Variants in DCDC1 observed in about 807,000 individuals in gnomAD.
DCDC1 encodes doublecortin domain-containing protein 1.
In DCDC1, 200 loss-of-function variants were observed where a neutral mutation model predicts 178.3. The ratio of observed to expected loss-of-function variants is 1.12; its 90% CI spans 1.00 to 1.26. The LOEUF (loss-of-function observed/expected upper bound fraction) is 1.26, where lower values mean the gene tolerates loss of function less well. Among genes scored for constraint, DCDC1 ranks in the 50% most tolerant of loss-of-function variants. The pLI is 0.00. For synonymous variants in DCDC1, 690 were observed against 604.8 expected (o/e 1.14, Z -2.07); for missense variants, 1,983 against 1,749.2 (o/e 1.13, Z -2.38).
intron 20 of DCDC1, among the ~76,000 whole-genome samples, chr11:31,020,311 T>C (rs916968272): frequency 6.6e-6 from 1 of 152,226 alleles, no homozygotes; most frequent in African/African-American, 2.4e-5. Flanking sequence ...TTTAAACTAA[T>C]TGTCAATGTT....
intron 18 of DCDC1, among the ~76,000 whole-genome samples, chr11:31,075,780 G>A (rs1375756832): frequency 6.6e-6 from 1 of 152,194 alleles, no homozygotes; most frequent in Non-Finnish European, 1.5e-5. Context: ...GTAAATTCTA[G>A]ACATTAGCCC....
intron 20 of DCDC1, among the ~76,000 whole-genome samples, chr11:31,027,056 T>A (rs1401034941): frequency 2.6e-5 from 4 of 151,774 alleles, no homozygotes; most frequent in Admixed American, 1.3e-4. Context: ...TAGTTACTAT[T>A]ACATAAGTAC....
At chr11:31,006,915 A>T (rs1951878840) in intron 20 of DCDC1, among the ~76,000 whole-genome samples, 1 of 152,238 alleles carries the variant, frequency 6.6e-6, no homozygotes, top group East Asian at 1.9e-4. Flanking sequence ...TTAGAATCTT[A>T]GCTTTACCTT....
intron 16 of DCDC1, among the ~76,000 whole-genome samples, chr11:31,092,318 A>T (rs1012437824): frequency 2.0e-5 from 3 of 152,084 alleles, no homozygotes; most frequent in Non-Finnish European, 4.4e-5. Context: ...AAATATTTCT[A>T]AAAAAAATTG....
chr11:31,326,455 A>C (rs1042036079), intron 3 of DCDC1, among the ~76,000 whole-genome samples: 5 of 152,214 alleles, frequency 3.3e-5, no homozygotes, highest in Admixed American at 3.3e-4. Flanking sequence ...AGAAAATTGG[A>C]AATAAATATT....
intron 9 of DCDC1, among the ~76,000 whole-genome samples, chr11:31,152,150 T>A (rs1965239357): frequency 6.6e-6 from 1 of 152,228 alleles, no homozygotes; most frequent in South Asian, 2.1e-4. Context: ...CATGTCTAAT[T>A]GAAAGCTGTC....
chr11:31,013,051 G>T (rs545030741), intron 20 of DCDC1, among the ~76,000 whole-genome samples: 2 of 152,206 alleles, frequency 1.3e-5, no homozygotes, highest in East Asian at 3.9e-4. Flanking sequence ...ATTAAAGCTG[G>T]TTAGTCAGTA....
intron 7 of DCDC1, among the ~76,000 whole-genome samples, chr11:31,286,037 A>G (rs1565551241): frequency 6.6e-6 from 1 of 152,168 alleles, no homozygotes; most frequent in Admixed American, 6.6e-5. Flanking sequence ...AGCAAAAAGG[A>G]ACTCTATGAA....
At chr11:31,331,893 T>A (rs1950010224) in intron 2 of DCDC1, among the ~76,000 whole-genome samples, 1 of 152,208 alleles carries the variant, frequency 6.6e-6, no homozygotes, top group Non-Finnish European at 1.5e-5. Flanking sequence ...GCTGGCCTCA[T>A]AAAATGAGTT....
intron 38 of DCDC1, among the ~76,000 whole-genome samples, chr11:30,877,323 A>G (rs1160421237): frequency 6.6e-6 from 1 of 152,160 alleles, no homozygotes; most frequent in African/African-American, 2.4e-5. Context: ...ATTTATATTC[A>G]TACAGAGTTG....
At chr11:31,321,529 C>G (rs982881773) in intron 3 of DCDC1, among the ~76,000 whole-genome samples, 1 of 152,170 alleles carries the variant, frequency 6.6e-6, no homozygotes, top group African/African-American at 2.4e-5. Flanking sequence ...ACGGTGCACA[C>G]ACACACTGGC....
intron 17 of DCDC1, among the ~76,000 whole-genome samples, chr11:31,084,323 T>G (rs888270157): frequency 6.6e-6 from 1 of 152,132 alleles, no homozygotes; most frequent in Admixed American, 6.5e-5. Context: ...AATTTTTATC[T>G]CTAGAAATTG....
At position 31,361,641 on chromosome 11, in the gene DCDC1, C is replaced by T. The variant is rs575144337; in HGVS notation, c.-125+8056G>A. On this transcript the variant is annotated intron_variant, in intron 1 of 38. Coordinates refer to ENST00000684477, the MANE Select transcript of DCDC1 (RefSeq NM_001387274.1). ...CACTACAGGCATGCACCACCACACC[C>T]GGCTAATTTTTGTATTTTTAGTAGA... Among the ~76,000 whole-genome samples, 16 of 152,168 alleles carry T rather than the reference C, an allele frequency of 1.1e-4. No homozygotes were observed. The South Asian group carries it at 1.2e-3, about 12-fold the overall frequency.
intron 6 of DCDC1, among the ~76,000 whole-genome samples, chr11:31,300,558 T>G (rs1181615164): frequency 6.6e-6 from 1 of 152,090 alleles, no homozygotes; most frequent in Non-Finnish European, 1.5e-5. Flanking sequence ...ACTAGAATCT[T>G]GCAACATCAG....
At chr11:31,237,388 T>C (rs922304860) in intron 9 of DCDC1, among the ~76,000 whole-genome samples, 1 of 151,894 alleles carries the variant, frequency 6.6e-6, no homozygotes, top group Admixed American at 6.6e-5. Flanking sequence ...TAAAACCTAA[T>C]TTTTGAAATA....
At chr11:31,051,152 T>G (rs1955222160) in intron 20 of DCDC1, among the ~76,000 whole-genome samples, 1 of 151,866 alleles carries the variant, frequency 6.6e-6, no homozygotes, top group Non-Finnish European at 1.5e-5. Context: ...TCAGGAAAAT[T>G]TGGACACAGT....
At chr11:31,216,233 A>G (rs187299562) in intron 9 of DCDC1, among the ~76,000 whole-genome samples, 1 of 152,334 alleles carries the variant, frequency 6.6e-6, no homozygotes, top group African/African-American at 2.4e-5. Flanking sequence ...GGGATCATAG[A>G]AAATGGGCAT....
At chr11:30,942,512 G>C (rs533991024) in intron 21 of DCDC1, among the ~76,000 whole-genome samples, 1 of 152,132 alleles carries the variant, frequency 6.6e-6, no homozygotes, top group Non-Finnish European at 1.5e-5. Context: ...GGCAGGGAAA[G>C]GCAAAAGAAA....
chr11:31,281,230 C>T (rs549632810), intron 7 of DCDC1, among the ~76,000 whole-genome samples: 1 of 152,074 alleles, frequency 6.6e-6, no homozygotes, highest in African/African-American at 2.4e-5. Flanking sequence ...CAAATTTATA[C>T]CCTTTTTACT....
Sources: allele counts gnomAD v4.1 joint callset (sites outside exome capture counted in the v4.1 genomes callset), GRCh38; gene constraint gnomAD v4.1.1; transcripts MANE v1.5; gene names NCBI Gene and HGNC (gene_info 2026-07-23, HGNC 2026-07-21).